The following DCLK1 variants were observed in gnomAD, a reference collection of about 807,000 sequenced individuals.
The protein encoded by DCLK1 is serine/threonine-protein kinase DCLK1.
A neutral mutation model predicts 86.2 loss-of-function variants in DCLK1; 16 were observed. The observed-to-expected ratio is 0.19, with a 90% CI of 0.13 to 0.28. The LOEUF is 0.28. DCLK1 is among the 10% of genes least tolerant of loss of function. DCLK1 has a pLI of 1.00. For synonymous variants in DCLK1, 369 were observed against 370.5 expected (o/e 1.00, Z 0.05); for missense variants, 590 against 940.2 (o/e 0.63, Z 4.87).
chr13:36,081,614 CTA>C (rs945724111), intron 3 of DCLK1, among the ~76,000 whole-genome samples: 17 of 152,054 alleles, frequency 1.1e-4, no homozygotes, highest in African/African-American at 4.1e-4. Context: ...TTCGGGAATT[CTA>C]ACCTGTGTCA....
intron 2 of DCLK1, among the ~76,000 whole-genome samples, chr13:36,122,203 A>G (rs1426056050): frequency 2.0e-5 from 3 of 152,074 alleles, no homozygotes; most frequent in Non-Finnish European, 4.4e-5. Context: ...GGGGTGAAGC[A>G]TGGGTTTAAT....
intron 16 of DCLK1, among the ~76,000 whole-genome samples, chr13:35,784,247 T>G (rs1257142623): frequency 6.6e-6 from 1 of 152,218 alleles, no homozygotes; most frequent in Non-Finnish European, 1.5e-5. Flanking sequence ...TGTTAAAATC[T>G]CTCTTCAGTT....
intron 3 of DCLK1, among the ~76,000 whole-genome samples, chr13:36,075,367 T>C (rs188153937): frequency 1.6e-4 from 24 of 152,208 alleles, no homozygotes; most frequent in East Asian, 9.7e-4. Flanking sequence ...CAGGGGGTAA[T>C]AGAAGCACAG....
chr13:35,951,990 T>G (rs144676890), intron 3 of DCLK1, among the ~76,000 whole-genome samples: 4 of 152,278 alleles, frequency 2.6e-5, no homozygotes, highest in African/African-American at 9.6e-5. Flanking sequence ...AGAGCCCAGC[T>G]TCTGAGTTAA....
chr13:35,793,338 G>T (rs2086742927), intron 16 of DCLK1, 28 bp downstream of exon 16: 2 of 1,583,386 alleles, frequency 1.3e-6, no homozygotes, highest in Non-Finnish European at 1.7e-6. Flanking sequence ...TTTAAAAAAA[G>T]TTATAGGTGG....
intron 3 of DCLK1, among the ~76,000 whole-genome samples, chr13:36,032,981 G>A (rs1882347617): frequency 6.6e-6 from 1 of 152,152 alleles, no homozygotes; most frequent in Non-Finnish European, 1.5e-5. Flanking sequence ...CTGGGACCTA[G>A]TAACAGGGGA....
intron 8 of DCLK1, among the ~76,000 whole-genome samples, chr13:35,833,814 G>T (rs1869150525): frequency 1.3e-5 from 2 of 152,130 alleles, no homozygotes; most frequent in African/African-American, 4.8e-5. Flanking sequence ...GATACCTCTG[G>T]GGACAGAGGG....
intron 4 of DCLK1, among the ~76,000 whole-genome samples, chr13:35,892,688 G>C (rs1165955756): frequency 1.3e-5 from 2 of 152,148 alleles, no homozygotes; most frequent in Non-Finnish European, 2.9e-5. Context: ...AAGGATTTTA[G>C]TCCACGCCTT....
chr13:35,906,426 C>T (rs7316956), intron 4 of DCLK1, among the ~76,000 whole-genome samples: 32,173 of 151,418 alleles, frequency 0.21, 3,740 homozygotes, highest in East Asian at 0.34. Flanking sequence ...ATTTAAAGAG[C>T]TATGAGATTT....
rs535060937 is a variant in DCLK1 at position 35,891,154 on chromosome 13, G to A, written c.824-19814C>T. 8.5e-4 allele frequency among the ~76,000 whole-genome samples: 129 copies of A among 152,118 alleles called. 1 individual carries two copies. Among genetic ancestry groups the A allele is most frequent in the Middle Eastern group, 6.8e-3 (2 of 294 alleles). The stretch of plus-strand genomic sequence containing the variant: ...TTTCAATGAATGTTCTCATTAGGTA[G>A]GTGGCATTATGGGTCCTGAAAATGA... On this transcript the variant is annotated intron_variant, in intron 4 of 16. Coordinates refer to ENST00000360631, the MANE Select transcript of DCLK1 (RefSeq NM_001330071.2).
At chr13:36,129,577 A>G in intron 1 of DCLK1, among the ~76,000 whole-genome samples, 1 of 152,220 alleles carries the variant, frequency 6.6e-6, no homozygotes, top group East Asian at 1.9e-4. Flanking sequence ...TCTTTCCCTC[A>G]CCTTGGCTTA....
Position 35,805,728 on chromosome 13 carries a change from C to G in DCLK1, c.1915G>C (p.Val639Leu). The change falls in exon 15 of 17, where the codon GTT (valine) becomes CTT (leucine). Residue 639 changes from valine (V) to leucine (L), a missense_variant. This residue lies in a region of DCLK1 where 146 missense variants were observed against 190.2 expected (regional missense o/e 0.77). Transcript: ENST00000360631. The stretch of plus-strand genomic sequence containing the variant: ...ACCCAGGGATGCTCAAGTACTTGAA[C>G]AGCAGAAAATCGCTGATCTACATCG... ...LVDVDQRFSA[V>L]QVLEHPWVND... is the part of the protein sequence containing the mutation. 3 of 1,613,894 alleles carry G rather than the reference C, an allele frequency of 1.9e-6. No homozygotes were observed. Among genetic ancestry groups the G allele is most frequent in the Admixed American group, 1.7e-5 (1 of 59,934 alleles).
At chr13:36,051,637 A>C (rs1221352851) in intron 3 of DCLK1, among the ~76,000 whole-genome samples, 1 of 152,134 alleles carries the variant, frequency 6.6e-6, no homozygotes, top group Non-Finnish European at 1.5e-5. Context: ...TTCAGTCACT[A>C]AATCTCATCT....
intron 4 of DCLK1, among the ~76,000 whole-genome samples, chr13:35,933,233 A>G (rs1235506367): frequency 1.3e-5 from 2 of 152,194 alleles, no homozygotes; most frequent in South Asian, 4.1e-4. Flanking sequence ...TGCAAGGTAC[A>G]GCTTCCCTCC....
intron 4 of DCLK1, among the ~76,000 whole-genome samples, chr13:35,934,349 G>A (rs1393650435): frequency 1.3e-5 from 2 of 152,152 alleles, no homozygotes; most frequent in African/African-American, 4.8e-5. Flanking sequence ...GTATTAGTCT[G>A]TTTTCATGTG....
intron 3 of DCLK1, among the ~76,000 whole-genome samples, chr13:36,011,750 G>A (rs1399400068): frequency 2.0e-5 from 3 of 151,530 alleles, no homozygotes; most frequent in South Asian, 4.2e-4. Flanking sequence ...GGTCCGCTTG[G>A]TGCAGAGCTG....
chr13:36,089,442 A>T lies in DCLK1; in HGVS notation c.723+22427T>A, dbSNP rs1445830941. 2.6e-5 allele frequency among the ~76,000 whole-genome samples: 4 copies of T among 152,296 alleles called. No homozygotes were observed. The East Asian group carries it at 7.7e-4, about 29-fold the overall frequency. On this transcript the variant is annotated intron_variant, in intron 3 of 16. Coordinates refer to ENST00000360631, the MANE Select transcript of DCLK1 (RefSeq NM_001330071.2). ...GAAACATAACCTTGGTTCCAAGTTCAGCCCATGTTTCTTTCCTGTGCAGCA... is the reference window on the plus strand; with the variant it reads ...GAAACATAACCTTGGTTCCAAGTTCTGCCCATGTTTCTTTCCTGTGCAGCA...
intron 3 of DCLK1, among the ~76,000 whole-genome samples, chr13:35,963,781 T>C (rs1329005303): frequency 6.6e-6 from 1 of 152,172 alleles, no homozygotes; most frequent in Non-Finnish European, 1.5e-5. Context: ...TTTTCCTGCA[T>C]TCTCACACAT....
chr13:35,938,633 A>G (rs574141995), intron 4 of DCLK1, among the ~76,000 whole-genome samples: 9 of 152,092 alleles, frequency 5.9e-5, no homozygotes, highest in Non-Finnish European at 1.3e-4. Context: ...TGTCTCAAAA[A>G]AAAAAAGCCC....
Sources: allele counts gnomAD v4.1 joint callset (sites outside exome capture counted in the v4.1 genomes callset), GRCh38; gene constraint gnomAD v4.1.1; regional missense constraint gnomAD v4.1.1; transcripts MANE v1.5; gene names NCBI Gene and HGNC (gene_info 2026-07-23, HGNC 2026-07-21).